The following OXSR1 variants were observed in gnomAD, a reference collection of about 807,000 sequenced individuals.
OXSR1 encodes the protein serine/threonine-protein kinase OSR1.
In OXSR1, 24 loss-of-function variants were observed where a neutral mutation model predicts 79.8. That is an observed-to-expected ratio of 0.30 (90% CI 0.22 to 0.42). The LOEUF is 0.42. OXSR1 is among the 10% of genes least tolerant of loss of function. The pLI is 1.00. For missense variants in OXSR1, 430 were observed against 618.4 expected, an observed-to-expected ratio of 0.70 and a Z score of 3.23; for synonymous variants, 226 against 209.2, an observed-to-expected ratio of 1.08 and a Z score of -0.69.
chr3:38,193,695 A>T (rs1011662430), intron 3 of OXSR1, among the ~76,000 whole-genome samples: 2 of 150,828 alleles, frequency 1.3e-5, no homozygotes, highest in Non-Finnish European at 2.9e-5. Context: ...GGACATGTAG[A>T]TGGATGGAAT....
rs553209775 is a variant in OXSR1, at chr3:38,214,186, T to C, written c.435-1910T>C. On this transcript the variant is annotated intron_variant, in intron 4 of 17. Coordinates refer to ENST00000311806, the MANE Select transcript of OXSR1 (RefSeq NM_005109.3). ...TTATACACTACTTTTTTTTTTTTTT[T>C]CCCAGGAAGAGGATTTGAGGCAGGT... 8.8e-4 allele frequency among the ~76,000 whole-genome samples: 134 copies of C among 151,502 alleles called. 2 individuals carry two copies. Among genetic ancestry groups the C allele is most frequent in the African/African-American group, 1.1e-3 (47 of 41,368 alleles).
At chr3:38,165,089 G>A (rs1485663404), upstream of OXSR1, 1 of 152,288 alleles carries the variant, frequency 6.6e-6, no homozygotes, top group African/African-American at 2.4e-5. Context: ...CGGAGCTCTT[G>A]AAGGGCTGCA....
At chr3:38,249,522 AT>A (rs1703212707) in intron 14 of OXSR1, among the ~76,000 whole-genome samples, 1 of 152,108 alleles carries the variant, frequency 6.6e-6, no homozygotes, top group African/African-American at 2.4e-5. Flanking sequence ...AGTATCATGT[AT>A]TTCATTTTAT....
chr3:38,246,458 T>G (rs1225762356), intron 13 of OXSR1, among the ~76,000 whole-genome samples: 1 of 152,172 alleles, frequency 6.6e-6, no homozygotes, highest in Non-Finnish European at 1.5e-5. Flanking sequence ...ACATCAAAAA[T>G]TTTGGGCTAA....
intron 6 of OXSR1, among the ~76,000 whole-genome samples, chr3:38,221,907 T>C (rs1702598106): frequency 6.6e-6 from 1 of 152,190 alleles, no homozygotes. Flanking sequence ...TAATTGAGGT[T>C]TGTTTTAATA....
intron 12 of OXSR1, among the ~76,000 whole-genome samples, chr3:38,244,670 T>TGTGTGTGTGTGTGTGTGCGCGCAC (rs1491372358): frequency 6.7e-6 from 1 of 149,626 alleles, no homozygotes; most frequent in South Asian, 2.1e-4. Context: ...TGTGTGTGCG[T>TGTGTGTGTGTGTGTGTGCGCGCAC]GCGCATGTAC....
Position 38,239,623 on chromosome 3 carries a change from G to A in OXSR1, c.1074+2662G>A, listed in dbSNP as rs192090017. Among the ~76,000 whole-genome samples, 8 of 152,220 alleles carry A rather than the reference G, an allele frequency of 5.3e-5. No homozygotes were observed. The East Asian group carries it at 1.5e-3, about 29-fold the overall frequency. The stretch of plus-strand genomic sequence containing the variant: ...GTGCTATGCACTCTTACCTCTCATC[G>A]TTTTTGATGTTTTCCCCCCTATTCT... On this transcript the variant is annotated intron_variant, in intron 11 of 17. Coordinates refer to ENST00000311806, the MANE Select transcript of OXSR1 (RefSeq NM_005109.3).
At chr3:38,166,025 T>G in intron 1 of OXSR1, 79 bp downstream of exon 1, 2 of 1,315,598 alleles carry the variant, frequency 1.5e-6, no homozygotes, top group Non-Finnish European at 2.2e-6. Context: ...CCGCGGGAGC[T>G]CGGGGAGCGC....
intron 3 of OXSR1, among the ~76,000 whole-genome samples, chr3:38,195,760 C>T (rs1282399817): frequency 4.6e-5 from 7 of 152,144 alleles, no homozygotes; most frequent in Non-Finnish European, 8.8e-5. Context: ...TTTTGATATT[C>T]TGTAATGATT....
chr3:38,242,941 T>G (rs1325861683), intron 12 of OXSR1, among the ~76,000 whole-genome samples, 163 bp downstream of exon 12: 1 of 152,158 alleles, frequency 6.6e-6, no homozygotes, highest in Non-Finnish European at 1.5e-5. Context: ...TGTTCTTCCT[T>G]GCCTCTTTGA....
In OXSR1 at chr3:38,250,081, G is replaced by A. The variant is rs374296574; in HGVS notation, c.1375+63G>A. On this transcript the variant is annotated intron_variant, in intron 15 of 17. Coordinates refer to ENST00000311806, the MANE Select transcript of OXSR1 (RefSeq NM_005109.3). ...AATTTGTGATTCAATGAAATGTGTT[G>A]TGAAGTTTCTGTCCTTTGTGAAGTT... 80 of 1,128,164 alleles carry A rather than the reference G, an allele frequency of 7.1e-5. No homozygotes were observed. In the African/African-American group the frequency reaches 1.2e-3, roughly 17 times the overall value. 69.9% of individuals were successfully genotyped at this position (1,128,164 alleles called of 1,614,324 possible). A position where few individuals can be genotyped will look rare whatever the true frequency, so the allele number is the denominator to read the frequency against.
intron 1 of OXSR1, among the ~76,000 whole-genome samples, chr3:38,179,175 T>C (rs1246754179): frequency 1.3e-5 from 2 of 151,756 alleles, no homozygotes; most frequent in Non-Finnish European, 2.9e-5. Flanking sequence ...GGACTACACA[T>C]GTGTGCCATA....
chr3:38,194,310 G>A (rs1702035315), intron 3 of OXSR1, among the ~76,000 whole-genome samples: 1 of 152,196 alleles, frequency 6.6e-6, no homozygotes, highest in Non-Finnish European at 1.5e-5. Context: ...AGTGCTTTGG[G>A]AGGCTGAGGC....
chr3:38,180,426 T>C (rs557312662), intron 1 of OXSR1, among the ~76,000 whole-genome samples: 54 of 152,288 alleles, frequency 3.5e-4, no homozygotes, highest in African/African-American at 1.2e-3. Flanking sequence ...ATATACAGAC[T>C]TTTGTGCCTG....
At chr3:38,165,997 A>ACACGGGAACGTGGGGAGC in intron 1 of OXSR1, 51 bp downstream of exon 1, 1 of 1,529,308 alleles carries the variant, frequency 6.5e-7, no homozygotes, top group Non-Finnish European at 9.0e-7. Flanking sequence ...GAGGCGGGGG[A>ACACGGGAACGTGGGGAGC]CACGGGAACG....
rs9854977 is a variant in OXSR1, at chr3:38,177,349, G to T, written c.71-5654G>T. 6.5e-3 allele frequency among the ~76,000 whole-genome samples: 992 copies of T among 152,264 alleles called. 9 individuals are homozygous for T. The highest frequency in any genetic ancestry group is 0.023 in the African/African-American group (955 of 41,552). On this transcript the variant is annotated intron_variant, in intron 1 of 17. Transcript: ENST00000311806. ...GGATCTGAGAGGGAGGGAACTTAAT[G>T]GCAAACACTACCATTCTGCCTCTCT...
chr3:38,243,884 T>G (rs183283804), intron 12 of OXSR1, among the ~76,000 whole-genome samples: 1 of 152,236 alleles, frequency 6.6e-6, no homozygotes, highest in Non-Finnish European at 1.5e-5. Flanking sequence ...AAATTACATA[T>G]GCCATGTCAG....
chr3:38,212,737 C>A (rs1702411812), intron 4 of OXSR1, among the ~76,000 whole-genome samples: 1 of 152,108 alleles, frequency 6.6e-6, no homozygotes, highest in African/African-American at 2.4e-5. Context: ...TGACATTAAG[C>A]AGTAAAAAAC....
At chr3:38,235,405 A>G (rs1297832146) in intron 10 of OXSR1, among the ~76,000 whole-genome samples, 1 of 152,184 alleles carries the variant, frequency 6.6e-6, no homozygotes, top group African/African-American at 2.4e-5. Context: ...AGATTAGAGG[A>G]CCATTTGAGA....
Sources: gnomAD v4.1 joint callset for allele counts (sites outside exome capture counted in the v4.1 genomes callset) on GRCh38, gnomAD v4.1.1 for gene constraint, MANE v1.5 for transcripts, NCBI Gene and HGNC (gene_info 2026-07-23, HGNC 2026-07-21) for gene names.